Variants in ZXDC observed in about 807,000 individuals in gnomAD.
The protein encoded by ZXDC is ZXD family zinc finger C.
Under a neutral mutation model 63.6 loss-of-function variants are expected in ZXDC, and 58 were observed. The ratio of observed to expected loss-of-function variants is 0.91; its 90% CI spans 0.74 to 1.13. The LOEUF is 1.13. Among genes scored for constraint, ZXDC ranks in the 50% most tolerant of loss-of-function variants. The pLI, the probability that ZXDC is intolerant of heterozygous loss-of-function variation, is 0.00. For missense variants in ZXDC, 1,133 were observed against 1,148.9 expected, an observed-to-expected ratio of 0.99 and a Z score of 0.20; for synonymous variants, 561 against 496.1, an observed-to-expected ratio of 1.13 and a Z score of -1.74.
At chr3:126,459,359 C>A in intron 7 of ZXDC, 2 of 985,426 alleles carry the variant, frequency 2.0e-6, no homozygotes, top group Non-Finnish European at 2.4e-6. Context: ...TGACAACTGG[C>A]CTGCTTTGCT....
Position 126,475,539 on chromosome 3 carries a change from C to T in ZXDC, c.327G>A (p.Glu109=), listed in dbSNP as rs761080146. ...GGGCGGCCGGGCCGCTGGGGCCCTG[C>T]TCGGGGCGGCTCGCCAGGTTGACAC... ...GSRVNLASRP[E]QGPSGPAAPP... Residue 109 remains glutamate, a synonymous_variant, in exon 1 of 10, where the codon GAG becomes GAA. Transcript: ENST00000389709. The T allele has an allele frequency of 2.2e-6, 3 of 1,339,694 alleles. No homozygotes were observed. Among genetic ancestry groups the T allele is most frequent in the African/African-American group, 1.5e-5 (1 of 65,616 alleles). The allele number at this position is 1,339,694 out of a possible 1,614,324, so 83.0% of individuals were successfully genotyped here. A position where few individuals can be genotyped will look rare whatever the true frequency, so the allele number is the denominator to read the frequency against.
intron 6 of ZXDC, 146 bp from the exon 7 acceptor site, chr3:126,459,883 A>T: frequency 6.5e-7 from 1 of 1,535,926 alleles, no homozygotes; most frequent in South Asian, 1.3e-5. Flanking sequence ...AAAGGGCCAA[A>T]CGCTACATCC....
chr3:126,462,288 CATG>C (rs1934589132), intron 5 of ZXDC, 68 bp from the exon 6 acceptor site: 8 of 1,509,240 alleles, frequency 5.3e-6, no homozygotes, highest in Non-Finnish European at 7.0e-6. Flanking sequence ...TGTTTATGCC[CATG>C]ATGTTACCGA....
intron 7 of ZXDC, among the ~76,000 whole-genome samples, chr3:126,458,179 T>C (rs1256285051): frequency 1.3e-5 from 2 of 152,122 alleles, no homozygotes; most frequent in East Asian, 1.9e-4. Flanking sequence ...AAGAAAATAC[T>C]GTTAATTTTT....
chr3:126,475,837 G>T lies in ZXDC; in HGVS notation c.29C>A (p.Pro10Gln). Residue 10 changes from proline (P) to glutamine (Q), a missense_variant, in exon 1 of 10, where the codon CCG becomes CAG. Coordinates refer to ENST00000389709, the MANE Select transcript of ZXDC (RefSeq NM_025112.5). ...GCCATGTTGCCCTCCGCGCGCAGTC[G>T]GGGCGGGGAGCAGCGCCGGGAGGTC... MDLPALLPA[P>Q]TARGGQHGGG... The T allele has an allele frequency of 9.3e-7, 1 of 1,080,752 alleles. No homozygotes were observed. The highest frequency in any genetic ancestry group is 4.3e-5 in the South Asian group (1 of 23,004). The allele number at this position is 1,080,752 out of a possible 1,614,324, so 66.9% of individuals were successfully genotyped here. A position where few individuals can be genotyped will look rare whatever the true frequency, so the allele number is the denominator to read the frequency against.
At chr3:126,466,868 CT>C (rs1309169908) in intron 4 of ZXDC, among the ~76,000 whole-genome samples, 3 of 152,116 alleles carry the variant, frequency 2.0e-5, no homozygotes, top group African/African-American at 7.2e-5. Context: ...TCCCAGTCCA[CT>C]TATGTCTCTG....
At chr3:126,458,624 A>T (rs181158837) in intron 7 of ZXDC, 2 of 985,390 alleles carry the variant, frequency 2.0e-6, no homozygotes, top group East Asian at 2.3e-4. Flanking sequence ...TAGTACTCCA[A>T]AGCAATGTAA....
At chr3:126,466,058 C>G (rs897568894) in intron 5 of ZXDC, 97 bp downstream of exon 5, 2 of 1,418,956 alleles carry the variant, frequency 1.4e-6, no homozygotes, top group Admixed American at 2.2e-5. Flanking sequence ...CACTGCCTGA[C>G]GCCTTCCAAG....
chr3:126,456,965 C>T (rs1934330614), intron 7 of ZXDC, among the ~76,000 whole-genome samples: 1 of 152,324 alleles, frequency 6.6e-6, no homozygotes, highest in Middle Eastern at 3.4e-3. Context: ...CTCCAGCAAC[C>T]CAGCCCGGGT....
chr3:126,475,233 T>G lies in ZXDC; in HGVS notation c.633A>C (p.Pro211=), dbSNP rs812367. 6 of 1,566,264 alleles carry G rather than the reference T, an allele frequency of 3.8e-6. No homozygotes were observed. The Admixed American group carries it at 5.7e-5, about 15-fold the overall frequency. The change falls in exon 1 of 10, where the codon CCA becomes CCC. Residue 211 remains proline, a synonymous_variant. Transcript: ENST00000389709. ...TGAAGGCCCAACCACAGCCCTCCAG[T>G]GGGCACTTGAAGGGCCGCCGGCCCT... The part of the protein sequence containing the change: ...GGQGRRPFKC[P]LEGCGWAFTT...
intron 7 of ZXDC, among the ~76,000 whole-genome samples, chr3:126,455,669 G>A (rs1199397132): frequency 1.3e-5 from 2 of 152,178 alleles, no homozygotes; most frequent in African/African-American, 4.8e-5. Flanking sequence ...TGATAATATT[G>A]ATCATAATCC....
intron 7 of ZXDC, among the ~76,000 whole-genome samples, chr3:126,444,588 G>A (rs1933811817): frequency 6.6e-6 from 1 of 152,022 alleles, no homozygotes; most frequent in Non-Finnish European, 1.5e-5. Context: ...AAGGCAGGCA[G>A]TGAATAGTGT....
At chr3:126,457,554 T>C in intron 7 of ZXDC, 3 of 985,348 alleles carry the variant, frequency 3.0e-6, no homozygotes, top group African/African-American at 3.5e-5. Context: ...CCATTTCCCT[T>C]AGAAGTGTAT....
rs1341219491 is a variant in ZXDC at position 126,437,699 on chromosome 3, AAAT to A, written c.*673_*675del. 6.6e-6 allele frequency: 1 copy of A among 152,258 alleles called. No individual in the cohort carries two copies. The highest frequency in any genetic ancestry group is 1.5e-5 in the Non-Finnish European group (1 of 68,212). 9.4% of individuals were successfully genotyped at this position (152,258 alleles called of 1,614,324 possible). On this transcript the variant is annotated 3_prime_UTR_variant, in exon 10 of 10. Transcript: ENST00000389709. ...CTAATATCCAAATACAGAATTTAGA[AAAT>A]TATTTTAAATTTTAACTCTACCATC... is the stretch of plus-strand genomic sequence containing the variant.
At position 126,441,548 on chromosome 3, in the gene ZXDC, T is replaced by G. The variant is rs984632861; in HGVS notation, c.2394+217A>C. 6.1e-6 allele frequency: 8 copies of G among 1,314,258 alleles called. No individual in the cohort carries two copies. In the Admixed American group the frequency reaches 1.8e-4, roughly 30 times the overall value. The allele number at this position is 1,314,258 out of a possible 1,614,324, so 81.4% of individuals were successfully genotyped here. ...AGTGGATGCACGGTCCCAGCAACAC[T>G]CAGAGCTTGAGCAGATGCAGGACAG... On this transcript the variant is annotated intron_variant, in intron 8 of 9. Transcript: ENST00000389709.
At position 126,470,788 on chromosome 3, in the gene ZXDC, G is replaced by A. The variant is rs1476221706; in HGVS notation, c.1270+107C>T. ...AACATAATGCTGCAACTTATATTGAGTCAGTCTTTAAGCAGCTAACATTTA... is the reference window on the plus strand; with the variant it reads ...AACATAATGCTGCAACTTATATTGAATCAGTCTTTAAGCAGCTAACATTTA... On this transcript the variant is annotated intron_variant, in intron 4 of 9. Coordinates refer to ENST00000389709, the MANE Select transcript of ZXDC (RefSeq NM_025112.5). 4.1e-6 allele frequency: 6 copies of A among 1,464,880 alleles called. No individual in the cohort carries two copies. The Admixed American group carries it at 1.2e-4, about 28-fold the overall frequency. 90.7% of individuals were successfully genotyped at this position (1,464,880 alleles called of 1,614,324 possible). A position where few individuals can be genotyped will look rare whatever the true frequency, so the allele number is the denominator to read the frequency against.
chr3:126,471,010 G>C lies in ZXDC; in HGVS notation c.1155C>G (p.Asp385Glu). Residue 385 changes from aspartate to glutamate, a missense_variant, in exon 4 of 10, where the codon GAC becomes GAG. Coordinates refer to ENST00000389709, the MANE Select transcript of ZXDC (RefSeq NM_025112.5). ...CCTCGACAGGGCAGGTAAACCTCCG[G>C]TCATCGTCATGTTTCCTGCCAGACA... ...LLRHRRKHDD[D>E]RRFTCPVEGC... 6.2e-7 allele frequency: 1 copy of C among 1,614,060 alleles called. No individual in the cohort carries two copies. Among genetic ancestry groups the C allele is most frequent in the Non-Finnish European group, 8.5e-7 (1 of 1,179,922 alleles).
rs1209737329 is a variant in ZXDC at position 126,447,974 on chromosome 3, G to A, written c.2213-6028C>T. Among the ~76,000 whole-genome samples the A allele has an allele frequency of 2.6e-5, 4 of 152,318 alleles. No homozygotes were observed. The East Asian group carries it at 7.7e-4, about 29-fold the overall frequency. On this transcript the variant is annotated intron_variant, in intron 7 of 9. Transcript: ENST00000389709. ...CAGCTCTGAGGGCAGCCGGCCTTGG[G>A]TTCAATCCTGCCGCTGCCCCTGCCC...
intron 7 of ZXDC, chr3:126,443,071 C>A (rs62264699): frequency 0.015 from 2,359 of 152,354 alleles, 27 homozygotes; most frequent in East Asian, 0.057. Context: ...GGTGCACAAA[C>A]CTTGGGTCCT....
Sources: gnomAD v4.1 joint callset for allele counts (sites outside exome capture counted in the v4.1 genomes callset) on GRCh38, gnomAD v4.1.1 for gene constraint, MANE v1.5 for transcripts, NCBI Gene and HGNC (gene_info 2026-07-23, HGNC 2026-07-21) for gene names.